Variants in SPAG17 observed in about 807,000 individuals in gnomAD.
SPAG17 encodes sperm associated antigen 17.
A neutral mutation model predicts 273.6 loss-of-function variants in SPAG17; 169 were observed. The ratio of observed to expected loss-of-function variants is 0.62; its 90% CI spans 0.55 to 0.70. The LOEUF is 0.70. Among genes scored for constraint, SPAG17 ranks in the 30% least tolerant of loss-of-function variants. The pLI is 0.00. For missense variants in SPAG17, 2,557 were observed against 2,627.8 expected (o/e 0.97, Z 0.59); for synonymous variants, 825 against 873.2 (o/e 0.94, Z 0.97).
At chr1:117,963,133 TCACTGAGCCCAACTCTTA>T (rs1186517378) in intron 48 of SPAG17, 5 of 152,184 alleles carry the variant, frequency 3.3e-5, no homozygotes, top group Non-Finnish European at 5.9e-5. Context: ...TGTGTAACAG[TCACTGAGCCCAACTCTTA>T]CATAGGGCCT....
At chr1:118,003,231 G>A (rs985684502) in intron 32 of SPAG17, among the ~76,000 whole-genome samples, 121 of 152,124 alleles carry the variant, frequency 8.0e-4, no homozygotes, top group Non-Finnish European at 1.3e-3. Flanking sequence ...GTGGTAACTC[G>A]ACCTTTCTCT....
intron 32 of SPAG17, among the ~76,000 whole-genome samples, chr1:117,998,188 G>A (rs1657873475): frequency 6.6e-6 from 1 of 152,090 alleles, no homozygotes; most frequent in Non-Finnish European, 1.5e-5. Flanking sequence ...TGTAGTTTAG[G>A]TTTTACATTT....
chr1:118,084,712 T>C (rs1654849798), intron 13 of SPAG17, among the ~76,000 whole-genome samples: 1 of 152,206 alleles, frequency 6.6e-6, no homozygotes, highest in Non-Finnish European at 1.5e-5. Context: ...AAATTGCAGA[T>C]TGTACCATCA....
At chr1:118,022,307 T>C (rs950929825) in intron 28 of SPAG17, among the ~76,000 whole-genome samples, 1 of 152,144 alleles carries the variant, frequency 6.6e-6, no homozygotes, top group African/African-American at 2.4e-5. Flanking sequence ...ATATCAGATT[T>C]TTTTCCTGTT....
intron 24 of SPAG17, among the ~76,000 whole-genome samples, chr1:118,035,831 C>T (rs144698084): frequency 1.3e-3 from 198 of 152,216 alleles, no homozygotes; most frequent in African/African-American, 1.5e-3. Context: ...ATTGATTCTT[C>T]GTAAAGTGAT....
intron 3 of SPAG17, among the ~76,000 whole-genome samples, chr1:118,122,113 A>G (rs961058593): frequency 2.0e-5 from 3 of 151,956 alleles, no homozygotes; most frequent in Non-Finnish European, 4.4e-5. Context: ...ATATCATTAG[A>G]AAGTCAGAGG....
intron 4 of SPAG17, 113 bp from the exon 5 acceptor site, chr1:118,102,039 T>A (rs1656103778): frequency 1.1e-6 from 1 of 901,082 alleles, no homozygotes; most frequent in South Asian, 1.7e-5. Flanking sequence ...TACTCTTTAT[T>A]TTTTAGGTAT....
intron 48 of SPAG17, chr1:117,959,310 A>G (rs1418216182): frequency 8.1e-6 from 13 of 1,612,540 alleles, no homozygotes; most frequent in South Asian, 1.1e-5. Context: ...CGGCTTCAAT[A>G]TGGCTGGTCT....
At chr1:118,082,472 G>A (rs1488424009) in intron 13 of SPAG17, among the ~76,000 whole-genome samples, 1 of 152,216 alleles carries the variant, frequency 6.6e-6, no homozygotes, top group African/African-American at 2.4e-5. Flanking sequence ...AGATTCAGAA[G>A]AGAGACAAGG....
chr1:117,955,329 A>G (rs1161808709), intron 48 of SPAG17: 2 of 1,612,474 alleles, frequency 1.2e-6, no homozygotes, highest in South Asian at 1.1e-5. Context: ...CAGCTTATGT[A>G]TTAGAGATTT....
chr1:117,979,132 G>A (rs1432126208), intron 43 of SPAG17, among the ~76,000 whole-genome samples: 4 of 152,114 alleles, frequency 2.6e-5, no homozygotes. Context: ...GCCTTCCAAA[G>A]TGCTGGGATT....
At chr1:117,995,694 TAACA>T (rs1223961525) in intron 34 of SPAG17, among the ~76,000 whole-genome samples, 38 of 108,382 alleles carry the variant, frequency 3.5e-4, no homozygotes, top group African/African-American at 1.4e-3. Context: ...AAAGATGAAA[TAACA>T]CACACACACA....
intron 30 of SPAG17, among the ~76,000 whole-genome samples, chr1:118,012,008 A>G (rs1233420389): frequency 6.6e-6 from 1 of 152,056 alleles, no homozygotes; most frequent in Non-Finnish European, 1.5e-5. Context: ...AGAATAAATT[A>G]AATTTTATAA....
chr1:117,988,234 C>T (rs1240467428), intron 38 of SPAG17, 30 bp from the exon 39 acceptor site: 2 of 1,511,654 alleles, frequency 1.3e-6, no homozygotes, highest in Non-Finnish European at 8.9e-7. Context: ...TAACTTTTAT[C>T]CCCACTTCTT....
At position 118,041,929 on chromosome 1, in the gene SPAG17, C is replaced by T. The variant is rs752055715; in HGVS notation, c.2928G>A (p.Glu976=). ...AGKKKGKDNA[E]KEDSRSLKKK... ...TCTTCAAAGACCTACTATCCTCTTT[C>T]TCTGCGTTATCCTTGCCTTTCTTTT... Residue 976 remains glutamate, a synonymous_variant, in exon 21 of 49, where the codon GAG becomes GAA. Coordinates refer to ENST00000336338, the MANE Select transcript of SPAG17 (RefSeq NM_206996.4). 1.2e-6 allele frequency: 2 copies of T among 1,614,040 alleles called. No homozygotes were observed. The highest frequency in any genetic ancestry group is 1.7e-6 in the Non-Finnish European group (2 of 1,179,950).
chr1:118,147,951 G>GTTA (rs1164726079), intron 3 of SPAG17, among the ~76,000 whole-genome samples: 5 of 152,142 alleles, frequency 3.3e-5, no homozygotes, highest in Admixed American at 1.3e-4. Flanking sequence ...TTAAAATTGT[G>GTTA]TTTAAAATAA....
intron 20 of SPAG17, among the ~76,000 whole-genome samples, chr1:118,049,893 C>T (rs1650801550): frequency 6.6e-6 from 1 of 152,176 alleles, no homozygotes; most frequent in African/African-American, 2.4e-5. Flanking sequence ...GTGGTCACAG[C>T]TGGTGCCAGG....
intron 40 of SPAG17, among the ~76,000 whole-genome samples, chr1:117,985,954 G>A (rs1325662778): frequency 6.6e-6 from 1 of 152,146 alleles, no homozygotes; most frequent in Non-Finnish European, 1.5e-5. Flanking sequence ...GTCCCCCAGT[G>A]TGAGAGCTAA....
chr1:118,031,977 C>T, intron 24 of SPAG17, 110 bp from the exon 25 acceptor site: 1 of 817,164 alleles, frequency 1.2e-6, no homozygotes, highest in Non-Finnish European at 1.9e-6. Context: ...CAATTTTTAC[C>T]TTGCTAAATA....
Sources: allele counts gnomAD v4.1 joint callset (sites outside exome capture counted in the v4.1 genomes callset), GRCh38; gene constraint gnomAD v4.1.1; transcripts MANE v1.5; gene names NCBI Gene and HGNC (gene_info 2026-07-23, HGNC 2026-07-21).